The following PPP1R36 variants were observed in gnomAD, a reference collection of about 807,000 sequenced individuals.
PPP1R36 encodes the protein chromosome 14 open reading frame 50.
A neutral mutation model predicts 53.4 loss-of-function variants in PPP1R36; 47 were observed. The observed-to-expected ratio is 0.88, with a 90% confidence interval of 0.70 to 1.12. The LOEUF (loss-of-function observed/expected upper bound fraction) is 1.12. Ranked by LOEUF, PPP1R36 falls within the 50% of genes most tolerant of loss-of-function variation. The pLI is 0.00. For missense variants in PPP1R36, 456 were observed against 513.9 expected (o/e 0.89, Z 1.09); for synonymous variants, 153 against 170.5 (o/e 0.90, Z 0.80).
In PPP1R36 at chr14:64,565,824, G is replaced by A. The variant is rs2080248857; in HGVS notation, c.434+132G>A. ...GGCTCTATGCAAGCCATCCTCTCAG[G>A]ACCTAGTCACAAAGACTGCGACCAA... On this transcript the variant is annotated intron_variant, in intron 6 of 11. Coordinates refer to ENST00000298705, the MANE Select transcript of PPP1R36 (RefSeq NM_172365.3). 2.7e-5 allele frequency: 19 copies of A among 691,136 alleles called. No homozygotes were observed. The South Asian group carries it at 3.2e-4, about 12-fold the overall frequency. 42.8% of individuals were successfully genotyped at this position (691,136 alleles called of 1,614,324 possible).
rs768111348 is a variant in PPP1R36 at position 64,589,155 on chromosome 14, T to C, written c.1086T>C (p.Val362=). ...GTLDSVPMPV[V]GILGEPRCLF... ...ATCCCAATAATTCTTTTCACAGAGT[T>C]GGCATCTTGGGGGAGCCTCGATGTC... Residue 362 remains valine (V), a synonymous_variant, in exon 12 of 12, where the codon GTT becomes GTC. Transcript: ENST00000298705. 1.2e-6 allele frequency: 2 copies of C among 1,611,224 alleles called. No individual in the cohort carries two copies. Among genetic ancestry groups the C allele is most frequent in the Non-Finnish European group, 1.7e-6 (2 of 1,178,990 alleles).
intron 4 of PPP1R36, 96 bp from the exon 5 acceptor site, chr14:64,565,261 A>G (rs1328098896): frequency 1.3e-6 from 1 of 764,122 alleles, no homozygotes; most frequent in African/African-American, 1.8e-5. Context: ...TCAGGCTCTT[A>G]TTACTTTTTA....
rs562131293 is a variant in PPP1R36, at chr14:64,563,319, G to C, written c.183-1432G>C. On this transcript the variant is annotated intron_variant, in intron 3 of 11. Coordinates refer to ENST00000298705, the MANE Select transcript of PPP1R36 (RefSeq NM_172365.3). ...GGTATTTTTCCATTTCTTTTTCCCT[G>C]TACACCTCCATCCCCAGTATTTTAG... 2.0e-5 allele frequency among the ~76,000 whole-genome samples: 3 copies of C among 151,742 alleles called. No individual in the cohort carries two copies. The East Asian group carries it at 5.8e-4, about 29-fold the overall frequency.
Position 64,587,311 on chromosome 14 carries a change from A to G in PPP1R36, c.829A>G (p.Arg277Gly), listed in dbSNP as rs960328985. The G allele has an allele frequency of 4.3e-6, 7 of 1,613,886 alleles. No individual in the cohort carries two copies. The highest frequency in any genetic ancestry group is 1.3e-5 in the African/African-American group (1 of 74,942). Residue 277 changes from arginine (R) to glycine (G), a missense_variant, in exon 10 of 12, where the codon AGG becomes GGG. Transcript: ENST00000298705. ...TACCAATATGTTCAACATTCCTCGC[A>G]GGAGGCGTGAAGATGAGGAATCAGG... ...FRTNMFNIPR[R>G]RREDEESGGE... is the part of the protein sequence containing the mutation.
At chr14:64,584,006 T>C (rs931275130) in intron 8 of PPP1R36, among the ~76,000 whole-genome samples, 7 of 148,286 alleles carry the variant, frequency 4.7e-5, no homozygotes, top group African/African-American at 1.7e-4. Flanking sequence ...GTTCAAGCAA[T>C]TCTCCCTGAC....
intron 7 of PPP1R36, among the ~76,000 whole-genome samples, chr14:64,569,089 A>G (rs2080283208): frequency 6.6e-6 from 1 of 152,230 alleles, no homozygotes; most frequent in African/African-American, 2.4e-5. Flanking sequence ...ATCACAGGAA[A>G]AAAAATTCAA....
chr14:64,560,179 G>A (rs145730347), intron 3 of PPP1R36, among the ~76,000 whole-genome samples: 103 of 144,528 alleles, frequency 7.1e-4, no homozygotes, highest in African/African-American at 2.5e-3. Context: ...AGTGGCTCAC[G>A]CTTGTAATCC....
At chr14:64,575,714 G>A (rs1192199850) in intron 8 of PPP1R36, among the ~76,000 whole-genome samples, 2 of 151,302 alleles carry the variant, frequency 1.3e-5, no homozygotes, top group African/African-American at 2.4e-5. Flanking sequence ...GCAGTGGCAC[G>A]ATCTTGGCTC....
rs1185505726 is a variant in PPP1R36, at chr14:64,550,940, G to T, written c.89G>T (p.Gly30Val). The change falls in exon 2 of 12, where the codon GGG (glycine) becomes GTG (valine). Residue 30 changes from glycine (G) to valine (V), a missense_variant. By Grantham distance (109) the Gly-to-Val change is moderately radical. Transcript: ENST00000298705. ...YLMDQLGLRLGMWYWKDETRT... is the reference protein window; with the variant it reads ...YLMDQLGLRLVMWYWKDETRT... The stretch of plus-strand genomic sequence containing the variant: ...TTACAGCAGTTGGGATTACGATTAG[G>T]GATGTGGTACTGGAAAGATGAAACC... 1 of 1,609,950 alleles carries T rather than the reference G, an allele frequency of 6.2e-7. No individual in the cohort carries two copies. The highest frequency in any genetic ancestry group is 1.3e-5 in the African/African-American group (1 of 74,798).
At chr14:64,579,752 C>T (rs1038813314) in intron 8 of PPP1R36, among the ~76,000 whole-genome samples, 4 of 151,914 alleles carry the variant, frequency 2.6e-5, no homozygotes, top group African/African-American at 7.3e-5. Flanking sequence ...GAGCAGATCA[C>T]GAGGTCAGGA....
In PPP1R36 at chr14:64,568,467, GTGCTTTAGAGTTTTATCACTGCCAGTA is replaced by G; in HGVS notation, c.533+22_533+48del. ...TATGGTGTAAGTAAGATTTTATAGT[GTGCTTTAGAGTTTTATCACTGCCAGTA>G]TTAAAAGTAACTTTTGTCTAGGATA... On this transcript the variant is annotated intron_variant, in intron 7 of 11. Coordinates refer to ENST00000298705, the MANE Select transcript of PPP1R36 (RefSeq NM_172365.3). The G allele has an allele frequency of 8.6e-7, 1 of 1,167,588 alleles. No homozygotes were observed. The highest frequency in any genetic ancestry group is 1.2e-6 in the Non-Finnish European group (1 of 821,208). The allele number at this position is 1,167,588 out of a possible 1,614,324, so 72.3% of individuals were successfully genotyped here.
intron 8 of PPP1R36, among the ~76,000 whole-genome samples, chr14:64,582,514 G>A (rs952273155): frequency 1.3e-5 from 2 of 152,190 alleles, no homozygotes; most frequent in African/African-American, 2.4e-5. Context: ...TGGTGTCTGT[G>A]CTGACCAGCA....
At chr14:64,572,675 C>G (rs2140237207) in intron 7 of PPP1R36, among the ~76,000 whole-genome samples, 1 of 152,320 alleles carries the variant, frequency 6.6e-6, no homozygotes, top group South Asian at 2.1e-4. Flanking sequence ...GAGGGTTGCA[C>G]TGGGAATTTG....
At chr14:64,587,129 C>A (rs1409776263) in intron 9 of PPP1R36, 65 bp from the exon 10 acceptor site, 11 of 1,277,798 alleles carry the variant, frequency 8.6e-6, no homozygotes, top group Non-Finnish European at 9.9e-6. Flanking sequence ...CTGTGTTATA[C>A]AGACAGGTAA....
chr14:64,565,559 C>A, intron 5 of PPP1R36, 67 bp from the exon 6 acceptor site: 1 of 1,462,098 alleles, frequency 6.8e-7, no homozygotes, highest in Non-Finnish European at 9.6e-7. Flanking sequence ...CATACATAAA[C>A]GTATCTTGTG....
At chr14:64,572,441 A>C (rs2080310441) in intron 7 of PPP1R36, among the ~76,000 whole-genome samples, 2 of 152,224 alleles carry the variant, frequency 1.3e-5, no homozygotes, top group African/African-American at 2.4e-5. Flanking sequence ...AGACACAGAA[A>C]TGTGGTGCAA....
intron 8 of PPP1R36, 24 bp downstream of exon 8, chr14:64,574,613 T>A: frequency 1.3e-6 from 2 of 1,599,080 alleles, no homozygotes; most frequent in Non-Finnish European, 8.5e-7. Flanking sequence ...TACACTTCAT[T>A]AGATCATCAC....
chr14:64,566,066 G>A (rs1191094766), intron 6 of PPP1R36, among the ~76,000 whole-genome samples: 1 of 152,186 alleles, frequency 6.6e-6, no homozygotes, highest in East Asian at 1.9e-4. Context: ...TCAGGAGTTT[G>A]AGACCAGACT....
At chr14:64,575,445 T>C (rs1027691605) in intron 8 of PPP1R36, among the ~76,000 whole-genome samples, 1 of 152,254 alleles carries the variant, frequency 6.6e-6, no homozygotes, top group African/African-American at 2.4e-5. Flanking sequence ...TTATGTAACA[T>C]ACATATTTGC....
Sources: allele counts gnomAD v4.1 joint callset (sites outside exome capture counted in the v4.1 genomes callset), GRCh38; gene constraint gnomAD v4.1.1; transcripts MANE v1.5; gene names NCBI Gene and HGNC (gene_info 2026-07-23, HGNC 2026-07-21).